Variants in TANC1 observed in about 807,000 individuals in gnomAD.
The protein encoded by TANC1 is protein TANC1.
Under a neutral mutation model 149.7 loss-of-function variants are expected in TANC1, and 77 were observed. The ratio of observed to expected loss-of-function variants is 0.51; its 90% CI spans 0.43 to 0.62. TANC1 has a LOEUF of 0.62. TANC1 is among the 20% of genes least tolerant of loss of function. The pLI is 0.00. For missense variants in TANC1, 1,985 were observed against 2,321.8 expected, an observed-to-expected ratio of 0.85 and a Z score of 2.98; for synonymous variants, 854 against 925.0, an observed-to-expected ratio of 0.92 and a Z score of 1.39.
chr2:159,088,208 A>G (rs546455009), intron 3 of TANC1, among the ~76,000 whole-genome samples: 24 of 152,234 alleles, frequency 1.6e-4, no homozygotes, highest in Admixed American at 1.0e-3. Context: ...TGCCTTTCAG[A>G]GGCTCCGAGG....
intron 19 of TANC1, among the ~76,000 whole-genome samples, chr2:159,213,079 T>G (rs1228740932): frequency 2.0e-5 from 3 of 152,186 alleles, no homozygotes; most frequent in Non-Finnish European, 4.4e-5. Context: ...CATCCTTCTC[T>G]TCTTGGTAAT....
At chr2:159,011,633 T>C (rs2037777372) in intron 2 of TANC1, among the ~76,000 whole-genome samples, 1 of 147,748 alleles carries the variant, frequency 6.8e-6, no homozygotes. Flanking sequence ...GGTCCTGGCC[T>C]CAAGCCATCT....
At chr2:159,011,181 C>G (rs1003522856) in intron 2 of TANC1, among the ~76,000 whole-genome samples, 1 of 152,088 alleles carries the variant, frequency 6.6e-6, no homozygotes, top group Non-Finnish European at 1.5e-5. Context: ...AGGTGGAATA[C>G]ATTGACCAAT....
intron 2 of TANC1, among the ~76,000 whole-genome samples, chr2:159,025,189 T>TTTCTTCTTTCTTTC (rs1553519914): frequency 1.9e-5 from 2 of 105,222 alleles, no homozygotes; most frequent in Admixed American, 1.1e-4. Flanking sequence ...TTTTTCTTTC[T>TTTCTTCTTTCTTTC]TTTCTTTCTT....
At chr2:159,132,609 C>T (rs1283355630) in intron 4 of TANC1, among the ~76,000 whole-genome samples, 2 of 151,952 alleles carry the variant, frequency 1.3e-5, no homozygotes, top group South Asian at 2.1e-4. Context: ...GTACTTCAGC[C>T]TCCAAAGTAG....
chr2:159,151,694 G>A (rs2052825281), intron 7 of TANC1, among the ~76,000 whole-genome samples: 1 of 152,192 alleles, frequency 6.6e-6, no homozygotes, highest in Non-Finnish European at 1.5e-5. Flanking sequence ...AGATTCCTGG[G>A]ATTGGGTTGT....
At position 159,149,153 on chromosome 2, in the gene TANC1, G is replaced by A. The variant is rs200703484; in HGVS notation, c.376G>A (p.Asp126Asn). The change falls in exon 6 of 27, where the codon GAT (aspartate) becomes AAT (asparagine). Residue 126 changes from aspartate to asparagine, a missense_variant. This residue lies in a region of TANC1 where 557 missense variants were observed against 612.9 expected (regional missense o/e 0.91). Transcript: ENST00000263635. The stretch of plus-strand genomic sequence containing the variant: ...TTTCTTTGTTCCAGAAGCAAAGGCC[G>A]ATAATGAACCGAGCTGTTCGCCGGC... ...TEPDEHEAKADNEPSCSPAAQ... is the reference protein window; with the variant it reads ...TEPDEHEAKANNEPSCSPAAQ... The A allele has an allele frequency of 4.2e-5, 67 of 1,595,034 alleles. No homozygotes were observed. Among genetic ancestry groups the A allele is most frequent in the South Asian group, 1.1e-4 (10 of 87,840 alleles).
At chr2:159,197,849 T>A (rs532496786) in intron 18 of TANC1, among the ~76,000 whole-genome samples, 1 of 152,206 alleles carries the variant, frequency 6.6e-6, no homozygotes, top group East Asian at 1.9e-4. Flanking sequence ...CCATAAGACT[T>A]GGAGGGTATG....
At chr2:159,149,013 C>G (rs2052468463) in intron 5 of TANC1, 129 bp from the exon 6 acceptor site, 2 of 1,116,392 alleles carry the variant, frequency 1.8e-6, no homozygotes, top group Admixed American at 2.4e-5. Context: ...GGTGCGTTGT[C>G]CAACTTTGTG....
chr2:158,976,251 A>G (rs929563043), intron 1 of TANC1, among the ~76,000 whole-genome samples: 1 of 152,204 alleles, frequency 6.6e-6, no homozygotes, highest in African/African-American at 2.4e-5. Flanking sequence ...TATTTAATGT[A>G]TGAGTTGACA....
At chr2:159,206,878 A>G (rs1254679189) in intron 19 of TANC1, among the ~76,000 whole-genome samples, 1 of 152,172 alleles carries the variant, frequency 6.6e-6, no homozygotes, top group Non-Finnish European at 1.5e-5. Flanking sequence ...CCTGCTTTAA[A>G]TAACTTGGTG....
At chr2:159,055,935 G>T (rs1316835645) in intron 2 of TANC1, 2 of 187,100 alleles carry the variant, frequency 1.1e-5, no homozygotes. Flanking sequence ...ACAAAAAAGA[G>T]TGGAGGCCCC....
At position 159,229,997 on chromosome 2, in the gene TANC1, T is replaced by C. The variant is rs778472756; in HGVS notation, c.4571T>C (p.Leu1524Pro). 1.9e-6 allele frequency: 3 copies of C among 1,613,894 alleles called. No homozygotes were observed. The African/African-American group carries it at 4.0e-5, about 22-fold the overall frequency. ...GAGCCTGTGGCCCAGCCAGGGCTGC[T>C]CCTGCAGCCCTCCAAGCAGGCCCAG... ...LREPVAQPGL[L>P]LQPSKQAQIV... Residue 1524 changes from leucine (L) to proline (P), a missense_variant, in exon 27 of 27, where the codon CTC becomes CCC. This residue lies in a region of TANC1 where 920 missense variants were observed against 994.7 expected (regional missense o/e 0.92). Transcript: ENST00000263635.
chr2:158,984,277 G>T (rs1041884315), intron 1 of TANC1, among the ~76,000 whole-genome samples: 2 of 152,218 alleles, frequency 1.3e-5, no homozygotes, highest in East Asian at 3.8e-4. Flanking sequence ...GAATCAAAGG[G>T]TGTTAGTTCC....
intron 2 of TANC1, among the ~76,000 whole-genome samples, chr2:159,002,950 C>A (rs1001558148): frequency 2.6e-5 from 4 of 152,348 alleles, no homozygotes; most frequent in African/African-American, 9.6e-5. Flanking sequence ...CTGAATCTTG[C>A]AGCTATCAGA....
intron 22 of TANC1, among the ~76,000 whole-genome samples, chr2:159,220,367 G>A (rs2059626407): frequency 6.6e-6 from 1 of 151,800 alleles, no homozygotes; most frequent in East Asian, 1.9e-4. Context: ...GAGTGCAGTG[G>A]TGCGATCTCG....
intron 24 of TANC1, chr2:159,227,524 C>G (rs758215978): frequency 3.1e-5 from 11 of 359,972 alleles, no homozygotes; most frequent in Non-Finnish European, 5.0e-5. Context: ...AGAAGGTAAT[C>G]TGATTCATTA....
At chr2:159,068,142 T>G (rs1431425169) in intron 3 of TANC1, among the ~76,000 whole-genome samples, 1 of 152,240 alleles carries the variant, frequency 6.6e-6, no homozygotes, top group Non-Finnish European at 1.5e-5. Context: ...GATGGAATTT[T>G]AAATCCTGAT....
intron 4 of TANC1, among the ~76,000 whole-genome samples, chr2:159,106,625 C>T (rs1182960206): frequency 6.6e-6 from 1 of 152,194 alleles, no homozygotes; most frequent in African/African-American, 2.4e-5. Flanking sequence ...ATATATAAAG[C>T]TGCAATCAGC....
Sources: gnomAD v4.1 joint callset for allele counts (sites outside exome capture counted in the v4.1 genomes callset) on GRCh38, gnomAD v4.1.1 for gene constraint, gnomAD v4.1.1 regional missense constraint, MANE v1.5 for transcripts, NCBI Gene and HGNC (gene_info 2026-07-23, HGNC 2026-07-21) for gene names.